The following SPDL1 variants were observed in gnomAD, a reference collection of about 807,000 sequenced individuals.
SPDL1 encodes the protein spindle apparatus coiled-coil protein 1.
SPDL1 carries 85 observed loss-of-function variants against 79.5 expected under a neutral mutation model. That is an observed-to-expected ratio of 1.07 (90% CI 0.90 to 1.28). SPDL1 has a LOEUF of 1.28. Among genes scored for constraint, SPDL1 ranks in the 50% most tolerant of loss-of-function variants. The probability of loss-of-function intolerance (pLI) is 0.00; values close to 1 mark genes in which losing one functional copy is unlikely to be tolerated. For synonymous variants in SPDL1, 269 were observed against 240.3 expected (o/e 1.12, Z -1.10); for missense variants, 703 against 697.8 (o/e 1.01, Z -0.08).
intron 3 of SPDL1, among the ~76,000 whole-genome samples, chr5:169,591,471 A>G (rs1755282359): frequency 1.3e-5 from 2 of 152,170 alleles, no homozygotes; most frequent in African/African-American, 4.8e-5. Context: ...GTGAAGGTTT[A>G]GTTTAGTGAC....
At position 169,596,546 on chromosome 5, in the gene SPDL1, A is replaced by G; in HGVS notation, c.892-15A>G. 6.2e-7 allele frequency: 1 copy of G among 1,601,318 alleles called. No homozygotes were observed. Among genetic ancestry groups the G allele is most frequent in the Non-Finnish European group, 8.5e-7 (1 of 1,174,322 alleles). On this transcript the variant is annotated splice_polypyrimidine_tract_variant and intron_variant, in intron 7 of 11. Transcript: ENST00000265295. ...TCACTTAATTTTATTAGAGGGGGTA[A>G]TTTTATTTTTCTAGTTACAAATTGC...
chr5:169,590,799 T>G (rs1416240063), intron 2 of SPDL1: 5 of 533,990 alleles, frequency 9.4e-6, no homozygotes, highest in Non-Finnish European at 1.4e-5. Flanking sequence ...GAGCACATTT[T>G]ACTTCCTTGA....
chr5:169,587,729 G>A (rs1262649033), intron 1 of SPDL1, among the ~76,000 whole-genome samples: 3 of 152,006 alleles, frequency 2.0e-5, no homozygotes, highest in Non-Finnish European at 4.4e-5. Flanking sequence ...TTTTCTGGTG[G>A]TATTATTGTT....
At chr5:169,601,721 T>G (rs1183626882) in intron 11 of SPDL1, 96 bp downstream of exon 11, 1 of 1,125,996 alleles carries the variant, frequency 8.9e-7, no homozygotes, top group East Asian at 2.5e-5. Flanking sequence ...ATCTACTTTC[T>G]TACAATTGCA....
chr5:169,590,470 A>G (rs901773131), intron 2 of SPDL1, among the ~76,000 whole-genome samples: 1 of 152,226 alleles, frequency 6.6e-6, no homozygotes, highest in African/African-American at 2.4e-5. Context: ...CTCTTGAAGG[A>G]GTTCGTACTT....
chr5:169,589,363 A>G (rs565501098), intron 2 of SPDL1, among the ~76,000 whole-genome samples: 2 of 152,254 alleles, frequency 1.3e-5, no homozygotes, highest in African/African-American at 2.4e-5. Context: ...TAACACACCA[A>G]AGGTCATGCC....
chr5:169,598,684 G>A (rs549624087), intron 9 of SPDL1, 105 bp downstream of exon 9: 39 of 1,073,330 alleles, frequency 3.6e-5, no homozygotes, highest in Middle Eastern at 4.0e-4. Flanking sequence ...GAAATTTTCC[G>A]AAAAGAAAGG....
chr5:169,591,634 T>A (rs1443732266), intron 3 of SPDL1, among the ~76,000 whole-genome samples: 2 of 152,224 alleles, frequency 1.3e-5, no homozygotes, highest in Non-Finnish European at 2.9e-5. Context: ...TGACACTTTA[T>A]AGTTTGTTTA....
At chr5:169,593,821 T>C (rs1338822462) in intron 4 of SPDL1, among the ~76,000 whole-genome samples, 1 of 152,172 alleles carries the variant, frequency 6.6e-6, no homozygotes, top group Non-Finnish European at 1.5e-5. Context: ...TCCCAGATTT[T>C]ATCGTAAGAG....
intron 2 of SPDL1, among the ~76,000 whole-genome samples, chr5:169,590,148 T>C (rs1456472269): frequency 1.3e-5 from 2 of 152,258 alleles, no homozygotes; most frequent in Non-Finnish European, 2.9e-5. Context: ...ATTTAGCAAA[T>C]GCTCAGTAAC....
chr5:169,583,863 T>C lies in SPDL1; in HGVS notation c.-50T>C, dbSNP rs113174701. Reference sequence around the variant, plus strand: ...TGAGCTCCCATTAGGAGCCGCTGGCTGCGGCAGCAGGGGACTAGCGTGAGA... The same window carrying C: ...TGAGCTCCCATTAGGAGCCGCTGGCCGCGGCAGCAGGGGACTAGCGTGAGA... On this transcript the variant is annotated 5_prime_UTR_variant, in exon 1 of 12. Coordinates refer to ENST00000265295, the MANE Select transcript of SPDL1 (RefSeq NM_017785.5). 8,065 of 152,488 alleles carry C rather than the reference T, an allele frequency of 0.053. 249 individuals carry two copies. Among genetic ancestry groups the C allele is most frequent in the Non-Finnish European group, 0.058 (3,945 of 68,146 alleles). The allele number at this position is 152,488 out of a possible 1,614,324, so 9.4% of individuals were successfully genotyped here. A position where few individuals can be genotyped will look rare whatever the true frequency, so the allele number is the denominator to read the frequency against.
intron 7 of SPDL1, among the ~76,000 whole-genome samples, 156 bp downstream of exon 7, chr5:169,594,837 A>G (rs1313569883): frequency 1.3e-5 from 2 of 152,242 alleles, no homozygotes; most frequent in Admixed American, 1.3e-4. Context: ...TTGAAATTAA[A>G]AGATTCATTT....
At chr5:169,589,364 A>G (rs920472882) in intron 2 of SPDL1, among the ~76,000 whole-genome samples, 7 of 152,254 alleles carry the variant, frequency 4.6e-5, no homozygotes, top group Middle Eastern at 3.4e-3. Context: ...AACACACCAA[A>G]GGTCATGCCA....
Position 169,601,561 on chromosome 5 carries a change from A to T in SPDL1, c.1606A>T (p.Ile536Leu), listed in dbSNP as rs766984910. Residue 536 changes from isoleucine (I) to leucine (L), a missense_variant, in exon 11 of 12, where the codon ATA becomes TTA. Coordinates refer to ENST00000265295, the MANE Select transcript of SPDL1 (RefSeq NM_017785.5). ...LKKEKKCVKLIGVPADAEALS... is the reference protein window; with the variant it reads ...LKKEKKCVKLLGVPADAEALS... Reference sequence around the variant, plus strand: ...GAAGGAAAAGAAATGTGTGAAACTCATAGGAGTTCCCGCTGACGCTGAGGC... The same window carrying T: ...GAAGGAAAAGAAATGTGTGAAACTCTTAGGAGTTCCCGCTGACGCTGAGGC... 8 of 1,614,216 alleles carry T rather than the reference A, an allele frequency of 5.0e-6. No individual in the cohort carries two copies. In the Admixed American group the frequency reaches 1.3e-4, roughly 27 times the overall value.
At chr5:169,596,800 T>G in intron 8 of SPDL1, 99 bp downstream of exon 8, 1 of 1,013,244 alleles carries the variant, frequency 9.9e-7, no homozygotes, top group Non-Finnish European at 1.4e-6. Flanking sequence ...AAATATCTTG[T>G]GGGAGATACT....
Position 169,593,375 on chromosome 5 carries a change from T to C in SPDL1, c.358T>C (p.Leu120=), listed in dbSNP as rs1489695701. ...TTAGATAGAAAAACTGAAAGTGGAA[T>C]TAGATGAAGCCAGGCTTAGTGAAAA... The part of the protein sequence containing the change: ...KTKIEKLKVE[L]DEARLSEKQL... Residue 120 remains leucine (L), a synonymous_variant, in exon 4 of 12, where the codon TTA becomes CTA. Coordinates refer to ENST00000265295, the MANE Select transcript of SPDL1 (RefSeq NM_017785.5). 1.3e-6 allele frequency: 2 copies of C among 1,591,374 alleles called. No individual in the cohort carries two copies. The highest frequency in any genetic ancestry group is 1.7e-6 in the Non-Finnish European group (2 of 1,174,066).
At chr5:169,598,707 C>T (rs555146474) in intron 9 of SPDL1, 128 bp downstream of exon 9, 1 of 991,726 alleles carries the variant, frequency 1.0e-6, no homozygotes, top group Non-Finnish European at 1.6e-6. Context: ...ACAAAAATAT[C>T]TTTGTGCAGA....
rs1173874840 is a variant in SPDL1 at position 169,601,442 on chromosome 5, A to G, written c.1487A>G (p.Asp496Gly). 6.2e-7 allele frequency: 1 copy of G among 1,614,168 alleles called. No homozygotes were observed. The highest frequency in any genetic ancestry group is 8.5e-7 in the Non-Finnish European group (1 of 1,180,016). ...CAGTCCTGCCCTAACAGTTTAGAAG[A>G]TAACAACTTGCAATTAGAAAAATCA... is the stretch of plus-strand genomic sequence containing the variant. Reference protein sequence around the residue: ...ETQSCPNSLEDNNLQLEKSVS... With the variant: ...ETQSCPNSLEGNNLQLEKSVS... The change falls in exon 11 of 12, where the codon GAT (aspartate) becomes GGT (glycine). Residue 496 changes from aspartate to glycine, a missense_variant. Transcript: ENST00000265295.
Position 169,591,081 on chromosome 5 carries a change from G to A in SPDL1, c.193G>A (p.Glu65Lys), listed in dbSNP as rs1156545486. 6.2e-7 allele frequency: 1 copy of A among 1,613,808 alleles called. No individual in the cohort carries two copies. The highest frequency in any genetic ancestry group is 1.1e-5 in the South Asian group (1 of 91,036). Residue 65 changes from glutamate to lysine, a missense_variant, in exon 3 of 12, where the codon GAA becomes AAA. Glu to Lys is a moderately conservative substitution (Grantham distance 56). Coordinates refer to ENST00000265295, the MANE Select transcript of SPDL1 (RefSeq NM_017785.5). ...YEQEKYTLQR[E>K]VELKSRMLES... is the part of the protein sequence containing the mutation. ...ACAAGAAAAATATACCCTTCAAAGA[G>A]AAGTTGAACTCAAGAGTCGAATGTT...
Sources: gnomAD v4.1 joint callset for allele counts (sites outside exome capture counted in the v4.1 genomes callset) on GRCh38, gnomAD v4.1.1 for gene constraint, MANE v1.5 for transcripts, NCBI Gene and HGNC (gene_info 2026-07-23, HGNC 2026-07-21) for gene names.